Variants in PLAC1 observed in about 807,000 individuals in gnomAD.
The protein encoded by PLAC1 is placenta associated 1.
For synonymous variants in PLAC1, 68 were observed against 62.1 expected, an observed-to-expected ratio of 1.09 and a Z score of -0.44; for missense variants, 136 against 163.2, an observed-to-expected ratio of 0.83 and a Z score of 0.91.
In PLAC1 at chrX:134,717,769, A is replaced by G. The variant is rs765335749; in HGVS notation, n.174+15666T>C. On this transcript the variant is annotated intron_variant and non_coding_transcript_variant, in intron 2 of 2. Transcript: ENST00000466797. Reference sequence around the variant, plus strand: ...GTTGTCAACAAAGAGGCAGGCCCCAATGAGCAGTCACTCACCTAGTCCTTA... The same window carrying G: ...GTTGTCAACAAAGAGGCAGGCCCCAGTGAGCAGTCACTCACCTAGTCCTTA... Among the ~76,000 whole-genome samples the G allele has an allele frequency of 1.7e-4, 19 of 112,675 alleles. No individual in the cohort carries two copies. The East Asian group carries it at 5.0e-3, about 30-fold the overall frequency.
chrX:134,731,783 C>G (rs1006500615), intron 2 of PLAC1, among the ~76,000 whole-genome samples: 2 of 111,831 alleles, frequency 1.8e-5, no homozygotes, highest in Non-Finnish European at 3.8e-5. Context: ...AAAATATCTA[C>G]ACTATGAGTT....
chrX:134,571,773 C>G (rs1408710891), intron 2 of PLAC1, among the ~76,000 whole-genome samples: 1 of 111,204 alleles, frequency 9.0e-6, no homozygotes, highest in Non-Finnish European at 1.9e-5. Context: ...TTTTGCCTCC[C>G]CATCTCCTCT....
chrX:134,647,852 C>T (rs1240937240), intron 1 of PLAC1, among the ~76,000 whole-genome samples: 2 of 111,482 alleles, frequency 1.8e-5, no homozygotes, highest in Admixed American at 9.5e-5. Flanking sequence ...AACCAAACAT[C>T]TGCTAGAATA....
chrX:134,740,607 G>A (rs1396214265), intron 1 of PLAC1, among the ~76,000 whole-genome samples: 1 of 112,088 alleles, frequency 8.9e-6, no homozygotes, highest in Non-Finnish European at 1.9e-5. Flanking sequence ...CCTAGAAGTT[G>A]TGAATGTGGC....
intron 2 of PLAC1, among the ~76,000 whole-genome samples, chrX:134,592,168 C>T (rs1385500463): frequency 2.7e-5 from 3 of 112,286 alleles, no homozygotes; most frequent in Non-Finnish European, 5.6e-5. Flanking sequence ...TTTTTCCTTT[C>T]ATGGATTGTG....
chrX:134,743,168 A>C (rs772654603), intron 1 of PLAC1, among the ~76,000 whole-genome samples: 1 of 112,151 alleles, frequency 8.9e-6, no homozygotes, highest in African/African-American at 3.2e-5. Context: ...AATGTTTGTG[A>C]GGCCAGATAA....
intron 2 of PLAC1, among the ~76,000 whole-genome samples, chrX:134,666,104 C>T (rs73566668): frequency 0.014 from 1,509 of 111,508 alleles, 26 homozygotes; most frequent in African/African-American, 0.045. Context: ...GGGACTCAAA[C>T]CCAGGCTGTC....
At chrX:134,618,334 C>T (rs907345791) in intron 1 of PLAC1, among the ~76,000 whole-genome samples, 1 of 112,161 alleles carries the variant, frequency 8.9e-6, no homozygotes, top group African/African-American at 3.2e-5. Context: ...TAAGAACTTG[C>T]TTATCAGCAC....
At chrX:134,653,765 A>G (rs2078375446) in intron 1 of PLAC1, among the ~76,000 whole-genome samples, 1 of 111,773 alleles carries the variant, frequency 8.9e-6, no homozygotes, top group Non-Finnish European at 1.9e-5. Flanking sequence ...TAAAAAAGTC[A>G]TTTCTTAGAA....
chrX:134,760,108 A>G (rs899680185), intron 1 of PLAC1: 1 of 112,310 alleles, frequency 8.9e-6, no homozygotes, highest in Non-Finnish European at 1.9e-5. Context: ...ATATACATGT[A>G]ACAAAATTTC....
intron 2 of PLAC1, among the ~76,000 whole-genome samples, chrX:134,666,714 G>T (rs1179287443): frequency 8.9e-6 from 1 of 111,864 alleles, no homozygotes; most frequent in African/African-American, 3.2e-5. Context: ...ACCTAATGTT[G>T]GTGACCACCA....
At chrX:134,661,881 T>A (rs1004584726), upstream of PLAC1, among the ~76,000 whole-genome samples, 14 of 111,969 alleles carry the variant, frequency 1.3e-4, no homozygotes, top group Non-Finnish European at 2.6e-4. Flanking sequence ...GAGAGCTGAG[T>A]TGTTAAATTC....
At chrX:134,642,958 AAAAG>A (rs1351985828) in intron 1 of PLAC1, among the ~76,000 whole-genome samples, 3 of 110,432 alleles carry the variant, frequency 2.7e-5, no homozygotes, top group Non-Finnish European at 5.7e-5. Flanking sequence ...AAGAAGAAGA[AAAAG>A]AGAGAGAGAG....
At chrX:134,588,817 G>C (rs766638222) in intron 2 of PLAC1, among the ~76,000 whole-genome samples, 24 of 111,221 alleles carry the variant, frequency 2.2e-4, no homozygotes, top group Non-Finnish European at 3.4e-4. Flanking sequence ...TCAAGGGAGG[G>C]GTTGAGCAAC....
chrX:134,578,907 G>C lies in PLAC1; in HGVS notation c.-58-12167C>G, dbSNP rs144127874. Among the ~76,000 whole-genome samples, 349 of 110,340 alleles carry C rather than the reference G, an allele frequency of 3.2e-3. 1 individual carries two copies. The highest frequency in any genetic ancestry group is 0.011 in the African/African-American group (332 of 30,337). ...TCTGATCCTTGGAACTGCAGTCTAT[G>C]GAGGCCCTGTCACAGTTATAGGGCA... On this transcript the variant is annotated intron_variant, in intron 2 of 2. Transcript: ENST00000359237.
rs985390703 is a variant in PLAC1, at chrX:134,627,353, A to G, written c.-130-25231T>C. Among the ~76,000 whole-genome samples the G allele has an allele frequency of 9.8e-5, 11 of 112,219 alleles. No homozygotes were observed. In the South Asian group the frequency reaches 1.1e-3, roughly 11 times the overall value. ...TTCCCTCCCACACCCCTAATTTAAA[A>G]TAATAATCACTCAACTATGAAAATC... On this transcript the variant is annotated intron_variant, in intron 1 of 2. Coordinates refer to ENST00000359237, the MANE Select transcript of PLAC1 (RefSeq NM_021796.4).
intron 2 of PLAC1, among the ~76,000 whole-genome samples, chrX:134,664,932 TAA>T (rs1272021712): frequency 3.6e-5 from 4 of 111,933 alleles, no homozygotes; most frequent in Non-Finnish European, 7.5e-5. Context: ...TTTCTAAATT[TAA>T]AAAACTTAAC....
intron 2 of PLAC1, among the ~76,000 whole-genome samples, chrX:134,580,207 C>T (rs1157632683): frequency 8.9e-6 from 1 of 112,263 alleles, no homozygotes; most frequent in Non-Finnish European, 1.9e-5. Context: ...GAAACTGGGT[C>T]CACCCACTAG....
intron 1 of PLAC1, among the ~76,000 whole-genome samples, chrX:134,619,336 T>A (rs2078199640): frequency 8.9e-6 from 1 of 111,993 alleles, no homozygotes; most frequent in Non-Finnish European, 1.9e-5. Flanking sequence ...ACAGACCCCA[T>A]GTTTAAAACT....
Sources: allele counts gnomAD v4.1 joint callset (sites outside exome capture counted in the v4.1 genomes callset), GRCh38; gene constraint gnomAD v4.1.1; transcripts MANE v1.5; gene names NCBI Gene and HGNC (gene_info 2026-07-23, HGNC 2026-07-21).